The following ITGBL1 variants were observed in gnomAD, a reference collection of about 807,000 sequenced individuals.
ITGBL1 encodes integrin beta-like protein 1.
A neutral mutation model predicts 68.5 loss-of-function variants in ITGBL1; 51 were observed. That is an observed-to-expected ratio of 0.74 (90% CI 0.59 to 0.94). The LOEUF (loss-of-function observed/expected upper bound fraction) is 0.94. Ranked by LOEUF, ITGBL1 falls within the 40% of genes least tolerant of loss-of-function variation. The probability of loss-of-function intolerance (pLI) is 0.00; values close to 1 mark genes in which losing one functional copy is unlikely to be tolerated. For synonymous variants in ITGBL1, 209 were observed against 227.3 expected, an observed-to-expected ratio of 0.92 and a Z score of 0.72; for missense variants, 649 against 647.4, an observed-to-expected ratio of 1.00 and a Z score of -0.03.
intron 7 of ITGBL1, among the ~76,000 whole-genome samples, chr13:101,605,170 A>G (rs145937136): frequency 0.034 from 2,610 of 77,514 alleles, 226 homozygotes; most frequent in South Asian, 0.043. Flanking sequence ...ATATGCGTAT[A>G]TATGCACATA....
At chr13:101,599,712 C>G (rs957325797) in intron 7 of ITGBL1, among the ~76,000 whole-genome samples, 3 of 152,128 alleles carry the variant, frequency 2.0e-5, no homozygotes, top group East Asian at 3.9e-4. Flanking sequence ...CCCATTTCTT[C>G]TTTTTGTCAG....
chr13:101,529,661 G>A (rs1232123395), intron 2 of ITGBL1, among the ~76,000 whole-genome samples: 2 of 152,170 alleles, frequency 1.3e-5, no homozygotes, highest in Non-Finnish European at 2.9e-5. Flanking sequence ...TTGGATCACG[G>A]GGGTGGTTTC....
At chr13:101,583,483 A>G (rs975892422) in intron 6 of ITGBL1, 127 bp downstream of exon 6, 6 of 637,144 alleles carry the variant, frequency 9.4e-6, no homozygotes, top group Admixed American at 3.1e-5. Flanking sequence ...TAGGGTGACT[A>G]TAGTCAATAA....
intron 6 of ITGBL1, among the ~76,000 whole-genome samples, chr13:101,585,908 G>T (rs2139296081): frequency 6.6e-6 from 1 of 152,202 alleles, no homozygotes; most frequent in African/African-American, 2.4e-5. Flanking sequence ...TTCTGATGTT[G>T]ATCCTGATTT....
chr13:101,578,571 T>C (rs1197885528), intron 4 of ITGBL1, among the ~76,000 whole-genome samples: 1 of 152,114 alleles, frequency 6.6e-6, no homozygotes, highest in Non-Finnish European at 1.5e-5. Context: ...TGGAGGCAAG[T>C]GCAGATGAGC....
chr13:101,467,800 A>G (rs113785481), intron 2 of ITGBL1, among the ~76,000 whole-genome samples: 9 of 152,308 alleles, frequency 5.9e-5, no homozygotes, highest in African/African-American at 2.2e-4. Context: ...ACACCGAATT[A>G]TTTAAAGTGA....
chr13:101,582,362 C>T (rs888169478), intron 5 of ITGBL1, among the ~76,000 whole-genome samples: 13 of 151,948 alleles, frequency 8.6e-5, no homozygotes, highest in African/African-American at 2.7e-4. Context: ...TTATTTTGTA[C>T]GTTTAAATCT....
intron 6 of ITGBL1, among the ~76,000 whole-genome samples, chr13:101,592,950 A>G (rs1414564759): frequency 1.3e-5 from 2 of 152,150 alleles, no homozygotes; most frequent in Non-Finnish European, 2.9e-5. Context: ...TTTGATCAAC[A>G]AAGGAAGCAA....
chr13:101,667,186 T>G (rs1043023181), intron 7 of ITGBL1, among the ~76,000 whole-genome samples: 53 of 152,166 alleles, frequency 3.5e-4, no homozygotes, highest in African/African-American at 1.3e-3. Context: ...CCAAGAATAA[T>G]GTATGGCCAT....
At chr13:101,571,758 T>C (rs559898046) in intron 3 of ITGBL1, among the ~76,000 whole-genome samples, 89 of 152,318 alleles carry the variant, frequency 5.8e-4, no homozygotes, top group Non-Finnish European at 1.0e-3. Context: ...TTTCATTCCA[T>C]GTGTTCTTTT....
intron 2 of ITGBL1, among the ~76,000 whole-genome samples, chr13:101,556,002 C>G (rs183024951): frequency 3.3e-5 from 5 of 152,172 alleles, no homozygotes; most frequent in Non-Finnish European, 7.4e-5. Flanking sequence ...GTTAGGGCAA[C>G]CTGCTCTCCA....
intron 2 of ITGBL1, among the ~76,000 whole-genome samples, chr13:101,544,232 G>C (rs1274663751): frequency 6.6e-6 from 1 of 152,078 alleles, no homozygotes. Flanking sequence ...TGGGGTTTTG[G>C]TGTGGATGTC....
At chr13:101,673,631 A>G in intron 7 of ITGBL1, among the ~76,000 whole-genome samples, 1 of 152,196 alleles carries the variant, frequency 6.6e-6, no homozygotes, top group East Asian at 1.9e-4. Flanking sequence ...TTGGCTCAAT[A>G]TTATTACATA....
chr13:101,545,951 A>G (rs544900445), intron 2 of ITGBL1, among the ~76,000 whole-genome samples: 2 of 152,372 alleles, frequency 1.3e-5, no homozygotes, highest in African/African-American at 4.8e-5. Flanking sequence ...AGAATAAAGA[A>G]TAATTTTTTA....
At chr13:101,671,072 C>A (rs1358647581) in intron 7 of ITGBL1, among the ~76,000 whole-genome samples, 3 of 152,144 alleles carry the variant, frequency 2.0e-5, no homozygotes, top group Non-Finnish European at 4.4e-5. Context: ...AAATCTTTGT[C>A]ATCTACTGTT....
chr13:101,681,368 G>A (rs1207028935), intron 7 of ITGBL1, among the ~76,000 whole-genome samples: 1 of 152,168 alleles, frequency 6.6e-6, no homozygotes, highest in African/African-American at 2.4e-5. Context: ...AGCAGTTCAA[G>A]TCCAGGCATC....
chr13:101,521,362 T>C (rs1043908814), intron 2 of ITGBL1, among the ~76,000 whole-genome samples: 9 of 151,962 alleles, frequency 5.9e-5, no homozygotes, highest in African/African-American at 2.2e-4. Flanking sequence ...AAAAATAAAG[T>C]AGGTTAGATG....
chr13:101,457,112 T>C (rs554662305), intron 2 of ITGBL1, among the ~76,000 whole-genome samples: 1 of 152,330 alleles, frequency 6.6e-6, no homozygotes, highest in South Asian at 2.1e-4. Flanking sequence ...GACTAGTGTC[T>C]GACATGAAGT....
intron 7 of ITGBL1, among the ~76,000 whole-genome samples, chr13:101,627,561 A>T (rs1029057430): frequency 4.6e-5 from 7 of 151,976 alleles, no homozygotes; most frequent in African/African-American, 1.7e-4. Flanking sequence ...ACCCACCATG[A>T]CAGTAACATA....
Sources: allele counts gnomAD v4.1 joint callset (sites outside exome capture counted in the v4.1 genomes callset), GRCh38; gene constraint gnomAD v4.1.1; transcripts MANE v1.5; gene names NCBI Gene and HGNC (gene_info 2026-07-23, HGNC 2026-07-21).